SLC4A10: variants seen among roughly 807,000 people sequenced by gnomAD.
SLC4A10 encodes the protein sodium-driven chloride bicarbonate exchanger.
Under a neutral mutation model 137.7 loss-of-function variants are expected in SLC4A10, and 42 were observed. The ratio of observed to expected loss-of-function variants is 0.30; its 90% CI spans 0.24 to 0.39. The LOEUF is 0.39. Among genes scored for constraint, SLC4A10 ranks in the 10% least tolerant of loss-of-function variants. The probability of loss-of-function intolerance (pLI) is 1.00; values close to 1 mark genes in which losing one functional copy is unlikely to be tolerated. For missense variants in SLC4A10, 925 were observed against 1,355.0 expected, an observed-to-expected ratio of 0.68 and a Z score of 4.98; for synonymous variants, 474 against 464.1, an observed-to-expected ratio of 1.02 and a Z score of -0.27.
chr2:161,771,154 A>G (rs2051547938), intron 2 of SLC4A10, 100 bp downstream of exon 2: 4 of 849,980 alleles, frequency 4.7e-6, no homozygotes, highest in Non-Finnish European at 7.6e-6. Context: ...AAAAGTTGGT[A>G]TCAGAGTAAT....
chr2:161,810,801 A>T (rs527270459), intron 3 of SLC4A10, among the ~76,000 whole-genome samples: 1 of 152,098 alleles, frequency 6.6e-6, no homozygotes, highest in South Asian at 2.1e-4. Flanking sequence ...GTCTATGTTC[A>T]TCAGGGAGTT....
intron 26 of SLC4A10, among the ~76,000 whole-genome samples, chr2:161,979,116 G>A (rs533001778): frequency 5.9e-5 from 9 of 152,124 alleles, no homozygotes; most frequent in Non-Finnish European, 1.3e-4. Flanking sequence ...GCCCTTGATG[G>A]TCAATGTGTT....
intron 3 of SLC4A10, among the ~76,000 whole-genome samples, chr2:161,825,441 GT>G (rs1401352801): frequency 6.6e-6 from 1 of 152,072 alleles, no homozygotes; most frequent in Non-Finnish European, 1.5e-5. Flanking sequence ...TCTCCTGGAG[GT>G]TTTCTCACCT....
At chr2:161,910,460 T>C (rs1482423379) in intron 15 of SLC4A10, among the ~76,000 whole-genome samples, 1 of 152,152 alleles carries the variant, frequency 6.6e-6, no homozygotes, top group African/African-American at 2.4e-5. Flanking sequence ...TTTTAAGAAA[T>C]GGCAAAAATA....
intron 2 of SLC4A10, among the ~76,000 whole-genome samples, chr2:161,792,249 A>G (rs576609602): frequency 3.2e-4 from 48 of 152,290 alleles, no homozygotes; most frequent in African/African-American, 1.2e-3. Context: ...ATGAAAATAA[A>G]CTTGTATTCA....
At chr2:161,812,059 A>C (rs1409483386) in intron 3 of SLC4A10, among the ~76,000 whole-genome samples, 1 of 152,064 alleles carries the variant, frequency 6.6e-6, no homozygotes, top group African/African-American at 2.4e-5. Flanking sequence ...GGTTTATTCA[A>C]TATCTGGCTT....
At chr2:161,833,478 A>G (rs914052657) in intron 3 of SLC4A10, among the ~76,000 whole-genome samples, 10 of 152,256 alleles carry the variant, frequency 6.6e-5, no homozygotes, top group Admixed American at 5.9e-4. Context: ...TGAAAAGGTC[A>G]TCAAAGAAAT....
At chr2:161,813,641 A>C (rs1187624239) in intron 3 of SLC4A10, among the ~76,000 whole-genome samples, 1 of 152,068 alleles carries the variant, frequency 6.6e-6, no homozygotes, top group Non-Finnish European at 1.5e-5. Flanking sequence ...GCAGGAATGG[A>C]TTATCTGTAG....
intron 1 of SLC4A10, among the ~76,000 whole-genome samples, chr2:161,636,847 G>C (rs1450552682): frequency 6.6e-6 from 1 of 151,512 alleles, no homozygotes; most frequent in Non-Finnish European, 1.5e-5. Flanking sequence ...GCACTACCAT[G>C]CCTGTCTAAT....
At chr2:161,650,236 G>A (rs911729278) in intron 1 of SLC4A10, among the ~76,000 whole-genome samples, 1 of 152,218 alleles carries the variant, frequency 6.6e-6, no homozygotes, top group African/African-American at 2.4e-5. Flanking sequence ...CCTTGATTCG[G>A]ACTTGTATGA....
At chr2:161,677,395 A>C (rs1291316742) in intron 1 of SLC4A10, among the ~76,000 whole-genome samples, 1 of 152,178 alleles carries the variant, frequency 6.6e-6, no homozygotes, top group Non-Finnish European at 1.5e-5. Context: ...TTATAGCCAC[A>C]CAAATGGACT....
intron 15 of SLC4A10, among the ~76,000 whole-genome samples, chr2:161,933,349 T>C (rs1251211875): frequency 1.3e-5 from 2 of 151,182 alleles, no homozygotes; most frequent in Non-Finnish European, 2.9e-5. Context: ...TCTATTCTTT[T>C]CTTTCTCTTT....
intron 10 of SLC4A10, among the ~76,000 whole-genome samples, chr2:161,889,321 C>G (rs1042289823): frequency 6.6e-6 from 1 of 152,138 alleles, no homozygotes; most frequent in Non-Finnish European, 1.5e-5. Context: ...AGGAGTCCCT[C>G]TTTTTCTGTT....
At chr2:161,809,679 C>T (rs1347124019) in intron 3 of SLC4A10, among the ~76,000 whole-genome samples, 3 of 151,818 alleles carry the variant, frequency 2.0e-5, no homozygotes, top group Non-Finnish European at 4.4e-5. Context: ...GAAGAGCAGA[C>T]TGTTGTAGGT....
intron 1 of SLC4A10, among the ~76,000 whole-genome samples, chr2:161,744,108 G>A (rs576138611): frequency 1.3e-5 from 2 of 151,960 alleles, no homozygotes; most frequent in East Asian, 3.9e-4. Flanking sequence ...TTCCAATTTG[G>A]ATGGACTTTA....
At chr2:161,893,819 A>G (rs1295283991) in intron 10 of SLC4A10, among the ~76,000 whole-genome samples, 1 of 151,964 alleles carries the variant, frequency 6.6e-6, no homozygotes, top group Non-Finnish European at 1.5e-5. Flanking sequence ...CATTGTATAG[A>G]TATTATAATA....
At chr2:161,900,385 G>A (rs935912633) in intron 11 of SLC4A10, among the ~76,000 whole-genome samples, 4 of 152,016 alleles carry the variant, frequency 2.6e-5, no homozygotes, top group Non-Finnish European at 5.9e-5. Flanking sequence ...AGTGATGATG[G>A]TTACTGTTCT....
intron 1 of SLC4A10, among the ~76,000 whole-genome samples, chr2:161,668,593 T>C (rs1365576220): frequency 6.6e-6 from 1 of 151,880 alleles, no homozygotes; most frequent in Non-Finnish European, 1.5e-5. Context: ...CTTATGATTC[T>C]ATAACATCTG....
At chr2:161,820,760 T>C (rs563835541) in intron 3 of SLC4A10, among the ~76,000 whole-genome samples, 219 of 152,322 alleles carry the variant, frequency 1.4e-3, no homozygotes, top group African/African-American at 5.1e-3. Context: ...CATTTTTCTA[T>C]ATGTCTTTTG....
Sources: gnomAD v4.1 joint callset for allele counts (sites outside exome capture counted in the v4.1 genomes callset) on GRCh38, gnomAD v4.1.1 for gene constraint, MANE v1.5 for transcripts, NCBI Gene and HGNC (gene_info 2026-07-23, HGNC 2026-07-21) for gene names.